Variants in CLSTN2 observed in about 807,000 individuals in gnomAD.
The protein encoded by CLSTN2 is calsyntenin-2.
CLSTN2 carries 48 observed loss-of-function variants against 101.2 expected under a neutral mutation model. The ratio of observed to expected loss-of-function variants is 0.47; its 90% CI spans 0.38 to 0.60. The LOEUF (loss-of-function observed/expected upper bound fraction) is 0.60. Ranked by LOEUF, CLSTN2 falls within the 20% of genes least tolerant of loss-of-function variation. CLSTN2 has a pLI of 0.00. For missense variants in CLSTN2, 1,160 were observed against 1,238.2 expected (o/e 0.94, Z 0.95); for synonymous variants, 481 against 463.6 (o/e 1.04, Z -0.48).
chr3:139,987,883 C>T (rs1936053395), intron 1 of CLSTN2, among the ~76,000 whole-genome samples: 1 of 152,172 alleles, frequency 6.6e-6, no homozygotes, highest in African/African-American at 2.4e-5. Flanking sequence ...ACCTGTACTT[C>T]TTGTATAACA....
intron 1 of CLSTN2, among the ~76,000 whole-genome samples, chr3:139,982,509 T>C (rs1935948939): frequency 1.3e-5 from 2 of 152,278 alleles, no homozygotes. Flanking sequence ...CAAACAAGGC[T>C]CAGAGAGGCT....
intron 2 of CLSTN2, among the ~76,000 whole-genome samples, chr3:140,216,680 G>A (rs4308238): frequency 0.94 from 142,961 of 152,266 alleles, 67,774 homozygotes; most frequent in East Asian, 1. Flanking sequence ...AAAATCAGAC[G>A]GAAGGGAAAT....
At position 140,577,333 on chromosome 3, in the gene CLSTN2, T is replaced by TG. The variant is rs1195733343; in HGVS notation, c.*11082dup. ...TAAATGCCTACAAACTGATTCATGT[T>TG]GGTGGTCGTTATGACACTTTCTGTG... On this transcript the variant is annotated 3_prime_UTR_variant, in exon 17 of 17. Transcript: ENST00000458420. 1 of 152,234 alleles carries TG rather than the reference T, an allele frequency of 6.6e-6. No individual in the cohort carries two copies. Among genetic ancestry groups the TG allele is most frequent in the African/African-American group, 2.4e-5 (1 of 41,458 alleles). The allele number at this position is 152,234 out of a possible 1,614,324, so 9.4% of individuals were successfully genotyped here.
chr3:140,463,767 A>G (rs1193547003), intron 7 of CLSTN2, among the ~76,000 whole-genome samples: 2 of 152,174 alleles, frequency 1.3e-5, no homozygotes, highest in Admixed American at 6.5e-5. Context: ...TTGGCAGAAC[A>G]CAGGTGTTTT....
chr3:140,547,575 G>A (rs772713772), intron 10 of CLSTN2, among the ~76,000 whole-genome samples: 54 of 152,208 alleles, frequency 3.5e-4, no homozygotes, highest in Non-Finnish European at 3.2e-4. Flanking sequence ...TGATCTCAGA[G>A]AAGCAAAGCT....
intron 2 of CLSTN2, among the ~76,000 whole-genome samples, chr3:140,336,365 A>G (rs1010654882): frequency 6.6e-6 from 1 of 152,212 alleles, no homozygotes; most frequent in Non-Finnish European, 1.5e-5. Context: ...GGAACAACCA[A>G]TTACTCAGAA....
chr3:140,207,167 T>A (rs1007361531), intron 2 of CLSTN2, among the ~76,000 whole-genome samples: 4 of 152,166 alleles, frequency 2.6e-5, no homozygotes, highest in African/African-American at 9.7e-5. Flanking sequence ...GGTGTTTGCA[T>A]TTTACCTAAT....
At chr3:140,547,039 A>G (rs1367068281) in intron 10 of CLSTN2, among the ~76,000 whole-genome samples, 1 of 152,278 alleles carries the variant, frequency 6.6e-6, no homozygotes, top group Non-Finnish European at 1.5e-5. Context: ...CAAAGGATGC[A>G]AGGATGCACA....
At chr3:140,515,161 T>G (rs1934892517) in intron 8 of CLSTN2, among the ~76,000 whole-genome samples, 1 of 152,306 alleles carries the variant, frequency 6.6e-6, no homozygotes, top group South Asian at 2.1e-4. Flanking sequence ...TTTATGCACA[T>G]AAAGGTGTTC....
Position 140,132,126 on chromosome 3 carries a change from A to G in CLSTN2, c.110-43825A>G, listed in dbSNP as rs1330239496. 2.0e-4 allele frequency among the ~76,000 whole-genome samples: 31 copies of G among 152,204 alleles called. 1 individual carries two copies. Among genetic ancestry groups the G allele is most frequent in the Admixed American group, 1.8e-3 (28 of 15,274 alleles). Reference sequence around the variant, plus strand: ...ATGGAGAACTGCAATTATGATACATATCGCTATTCTGCATGGCAGGCTCAC... The same window carrying G: ...ATGGAGAACTGCAATTATGATACATGTCGCTATTCTGCATGGCAGGCTCAC... On this transcript the variant is annotated intron_variant, in intron 1 of 16. Transcript: ENST00000458420.
chr3:140,233,716 G>A (rs1439031447), intron 2 of CLSTN2, among the ~76,000 whole-genome samples: 1 of 152,150 alleles, frequency 6.6e-6, no homozygotes, highest in East Asian at 1.9e-4. Flanking sequence ...AGTATCCAAA[G>A]CTTCCTTGCC....
chr3:140,171,402 G>T (rs1291896407), intron 1 of CLSTN2, among the ~76,000 whole-genome samples: 1 of 151,678 alleles, frequency 6.6e-6, no homozygotes, highest in Non-Finnish European at 1.5e-5. Context: ...TGTGATTGCT[G>T]TGGAATGGGT....
chr3:140,303,870 A>T, intron 2 of CLSTN2, among the ~76,000 whole-genome samples: 1 of 151,622 alleles, frequency 6.6e-6, no homozygotes, highest in Non-Finnish European at 1.5e-5. Flanking sequence ...ATCAACATTC[A>T]CTGGGAGGGC....
intron 9 of CLSTN2, among the ~76,000 whole-genome samples, chr3:140,543,113 T>G (rs548226433): frequency 6.6e-6 from 1 of 152,322 alleles, no homozygotes; most frequent in Admixed American, 6.5e-5. Context: ...TCACATGGTG[T>G]TGGGTACATA....
intron 1 of CLSTN2, among the ~76,000 whole-genome samples, chr3:140,071,812 C>T (rs2008400554): frequency 6.6e-6 from 1 of 150,378 alleles, no homozygotes; most frequent in Admixed American, 6.6e-5. Flanking sequence ...GGCTGGGGGA[C>T]AGAGTGAGAC....
intron 1 of CLSTN2, among the ~76,000 whole-genome samples, chr3:140,123,075 G>A (rs2009370084): frequency 6.7e-6 from 1 of 149,664 alleles, no homozygotes; most frequent in South Asian, 2.1e-4. Flanking sequence ...AGGCTGTGAA[G>A]TCCAAGATGA....
chr3:139,972,267 A>T (rs1053010372), intron 1 of CLSTN2, among the ~76,000 whole-genome samples: 6 of 152,038 alleles, frequency 3.9e-5, no homozygotes, highest in African/African-American at 1.4e-4. Flanking sequence ...CTGCCTCAAA[A>T]AAAAAAAAGT....
At chr3:139,969,131 G>C (rs1935651428) in intron 1 of CLSTN2, among the ~76,000 whole-genome samples, 2 of 152,076 alleles carry the variant, frequency 1.3e-5, no homozygotes, top group African/African-American at 2.4e-5. Flanking sequence ...GGATAGGAAG[G>C]GTCTTATTCC....
chr3:140,079,989 C>T (rs1205715200), intron 1 of CLSTN2, among the ~76,000 whole-genome samples: 1 of 152,112 alleles, frequency 6.6e-6, no homozygotes, highest in Non-Finnish European at 1.5e-5. Context: ...AAGATGTGCT[C>T]ATATACATTA....
Sources: gnomAD v4.1 joint callset for allele counts (sites outside exome capture counted in the v4.1 genomes callset) on GRCh38, gnomAD v4.1.1 for gene constraint, MANE v1.5 for transcripts, NCBI Gene and HGNC (gene_info 2026-07-23, HGNC 2026-07-21) for gene names.